Variants in NAALADL2 observed in about 807,000 individuals in gnomAD.
The protein encoded by NAALADL2 is N-acetylated alpha-linked acidic dipeptidase like 2.
NAALADL2 carries 76 observed loss-of-function variants against 87.2 expected under a neutral mutation model. The observed-to-expected ratio is 0.87, with a 90% CI of 0.72 to 1.05. The LOEUF is 1.05. NAALADL2 is among the 50% of genes least tolerant of loss of function. NAALADL2 has a pLI of 0.00. For synonymous variants in NAALADL2, 354 were observed against 331.0 expected, an observed-to-expected ratio of 1.07 and a Z score of -0.75; for missense variants, 1,089 against 945.8, an observed-to-expected ratio of 1.15 and a Z score of -1.99.
chr3:175,588,784 C>T (rs372140807), intron 10 of NAALADL2, among the ~76,000 whole-genome samples: 91 of 152,080 alleles, frequency 6.0e-4, no homozygotes, highest in East Asian at 2.9e-3. Context: ...GTGATCCGCC[C>T]GCCTTGGCCT....
chr3:174,725,091 C>A (rs569998380), intron 2 of NAALADL2, among the ~76,000 whole-genome samples: 1 of 152,146 alleles, frequency 6.6e-6, no homozygotes, highest in East Asian at 1.9e-4. Flanking sequence ...TTCCTCACCC[C>A]CCAAAGGAAC....
chr3:175,328,479 C>T (rs987350798), intron 5 of NAALADL2, among the ~76,000 whole-genome samples: 3 of 151,508 alleles, frequency 2.0e-5, no homozygotes, highest in African/African-American at 4.8e-5. Context: ...GAGAGTGTTT[C>T]GTAGGGCACG....
chr3:174,701,332 G>A (rs1419248909), intron 2 of NAALADL2, among the ~76,000 whole-genome samples: 2 of 151,698 alleles, frequency 1.3e-5, no homozygotes, highest in African/African-American at 2.4e-5. Flanking sequence ...GAGAAGGGAA[G>A]GGGTGTTATG....
intron 2 of NAALADL2, among the ~76,000 whole-genome samples, chr3:175,171,378 A>T (rs975495229): frequency 1.3e-5 from 2 of 152,032 alleles, no homozygotes; most frequent in African/African-American, 4.8e-5. Flanking sequence ...ACACATAACA[A>T]TCGAATAGCA....
chr3:174,747,023 G>A (rs1465152167), intron 3 of NAALADL2, among the ~76,000 whole-genome samples: 1 of 152,124 alleles, frequency 6.6e-6, no homozygotes, highest in Admixed American at 6.6e-5. Flanking sequence ...CACAGGCAAA[G>A]ATTTCATGAG....
intron 3 of NAALADL2, among the ~76,000 whole-genome samples, chr3:174,834,274 A>G (rs1723072468): frequency 6.8e-6 from 1 of 147,558 alleles, no homozygotes; most frequent in Admixed American, 6.7e-5. Context: ...ATCATATTGA[A>G]TATCACACCA....
intron 2 of NAALADL2, among the ~76,000 whole-genome samples, chr3:175,203,362 C>T (rs925048888): frequency 2.0e-5 from 3 of 152,136 alleles, no homozygotes; most frequent in African/African-American, 7.2e-5. Flanking sequence ...TCTAAACTGA[C>T]TCAGCTTCAA....
rs1228089053 is a variant in NAALADL2, at chr3:175,576,072, A to C, written c.1685A>C (p.Gln562Pro). The change falls in exon 10 of 14, where the codon CAG becomes CCG. Residue 562 changes from glutamine to proline, a missense_variant. Physicochemically the swap from Gln to Pro is moderately conservative, Grantham distance 76. Transcript: ENST00000454872. The stretch of plus-strand genomic sequence containing the variant: ...AATTTCAACTGTACCAGAAGAGCCC[A>C]GTGCCCAGAAACCAATATCAGTTCT... ...KNNFNCTRRA[Q>P]CPETNISSIQ... 6.2e-7 allele frequency: 1 copy of C among 1,613,188 alleles called. No homozygotes were observed. Among genetic ancestry groups the C allele is most frequent in the Admixed American group, 1.7e-5 (1 of 59,888 alleles).
chr3:175,583,622 C>T (rs1582500121), intron 10 of NAALADL2, among the ~76,000 whole-genome samples: 1 of 151,972 alleles, frequency 6.6e-6, no homozygotes, highest in East Asian at 1.9e-4. Context: ...AAACAAGAGG[C>T]AGTAATGCAG....
chr3:175,254,441 G>A (rs1406820893), intron 3 of NAALADL2, among the ~76,000 whole-genome samples: 1 of 152,178 alleles, frequency 6.6e-6, no homozygotes, highest in Non-Finnish European at 1.5e-5. Context: ...AAATCTGTGT[G>A]ATTCACTTTA....
rs768108259 is a variant in NAALADL2, at chr3:175,096,925, G to T, written c.179G>T (p.Gly60Val). 1.9e-6 allele frequency: 3 copies of T among 1,613,434 alleles called. No individual in the cohort carries two copies. The highest frequency in any genetic ancestry group is 1.3e-5 in the African/African-American group (1 of 74,974). Residue 60 changes from glycine (G) to valine (V), a missense_variant, in exon 2 of 14, where the codon GGT becomes GTT. Physicochemically the swap from Gly to Val is moderately radical, Grantham distance 109. Transcript: ENST00000454872. The stretch of plus-strand genomic sequence containing the variant: ...ATGGAGAAGGAACTAGAGGAGTCTG[G>T]TTTTGACCAATTCCAGCTAGACGGT... ...WDMEKELEES[G>V]FDQFQLDGAE...
chr3:175,050,624 T>G (rs1187183517), intron 1 of NAALADL2, among the ~76,000 whole-genome samples: 2 of 152,214 alleles, frequency 1.3e-5, no homozygotes, highest in Non-Finnish European at 2.9e-5. Context: ...TTATGCAGTT[T>G]TGCTTAAAGT....
chr3:175,250,384 C>T (rs1748844588), intron 3 of NAALADL2, among the ~76,000 whole-genome samples: 3 of 151,886 alleles, frequency 2.0e-5, no homozygotes, highest in Admixed American at 2.0e-4. Flanking sequence ...GCACCTTGAT[C>T]TTGAATTCTT....
intron 1 of NAALADL2, among the ~76,000 whole-genome samples, chr3:174,454,813 A>G (rs1715719065): frequency 6.6e-6 from 1 of 152,120 alleles, no homozygotes; most frequent in Non-Finnish European, 1.5e-5. Flanking sequence ...CTAACATCAC[A>G]CAACTAACAG....
chr3:175,043,332 G>A (rs139649517), intron 1 of NAALADL2, among the ~76,000 whole-genome samples: 1,797 of 152,148 alleles, frequency 0.012, 35 homozygotes, highest in African/African-American at 0.041. Context: ...TCTGCCTCCC[G>A]GTTTTAAGTG....
rs188571657 is a variant in NAALADL2, at chr3:175,133,902, C to T, written c.545+36611C>T. On this transcript the variant is annotated intron_variant, in intron 2 of 13. Coordinates refer to ENST00000454872, the MANE Select transcript of NAALADL2 (RefSeq NM_207015.3). ...ATGTTTTTACTCTGAGGTGATGTAA[C>T]TGAACATAAGAAAGATTAAAACATT... Among the ~76,000 whole-genome samples the T allele has an allele frequency of 1.2e-4, 19 of 152,248 alleles. 1 individual carries two copies. The highest frequency in any genetic ancestry group is 3.9e-4 in the Admixed American group (6 of 15,298).
intron 1 of NAALADL2, among the ~76,000 whole-genome samples, chr3:175,045,960 A>T (rs1396286441): frequency 6.6e-6 from 1 of 151,942 alleles, no homozygotes; most frequent in Non-Finnish European, 1.5e-5. Context: ...ACATTCAGAG[A>T]TAAGAGACAC....
At chr3:174,738,756 C>G (rs531742243) in intron 3 of NAALADL2, among the ~76,000 whole-genome samples, 2 of 152,240 alleles carry the variant, frequency 1.3e-5, no homozygotes, top group South Asian at 4.1e-4. Context: ...ATTTGTTGAG[C>G]TCCATTTCTG....
intron 1 of NAALADL2, among the ~76,000 whole-genome samples, chr3:174,541,815 G>A (rs1295924670): frequency 6.6e-6 from 1 of 152,190 alleles, no homozygotes; most frequent in Admixed American, 6.5e-5. Context: ...ATGCAGGGCA[G>A]ATGAGCACCA....
Sources: gnomAD v4.1 joint callset for allele counts (sites outside exome capture counted in the v4.1 genomes callset) on GRCh38, gnomAD v4.1.1 for gene constraint, MANE v1.5 for transcripts, NCBI Gene and HGNC (gene_info 2026-07-23, HGNC 2026-07-21) for gene names.